PTPRD: variants seen among roughly 807,000 people sequenced by gnomAD.
The protein encoded by PTPRD is protein tyrosine phosphatase receptor type D, also known as receptor-type tyrosine-protein phosphatase delta.
PTPRD carries 34 observed loss-of-function variants against 214.5 expected under a neutral mutation model. The ratio of observed to expected loss-of-function variants is 0.16; its 90% confidence interval spans 0.12 to 0.21. The LOEUF (loss-of-function observed/expected upper bound fraction) is 0.21, where lower values mean the gene tolerates loss of function less well. Among genes scored for constraint, PTPRD ranks in the 10% least tolerant of loss-of-function variants. PTPRD has a pLI of 1.00. For synonymous variants in PTPRD, 1,128 were observed against 845.7 expected, an observed-to-expected ratio of 1.33 and a Z score of -5.79; for missense variants, 2,545 against 2,398.7, an observed-to-expected ratio of 1.06 and a Z score of -1.27.
intron 5 of PTPRD, among the ~76,000 whole-genome samples, chr9:9,775,681 C>A (rs150621301): frequency 3.3e-5 from 5 of 152,216 alleles, no homozygotes; most frequent in African/African-American, 1.2e-4. Flanking sequence ...CGGTGGCTCA[C>A]GCCTGTAATC....
chr9:9,418,064 G>C (rs1328603480), intron 8 of PTPRD, among the ~76,000 whole-genome samples: 1 of 151,970 alleles, frequency 6.6e-6, no homozygotes, highest in African/African-American at 2.4e-5. Flanking sequence ...TACAGCTTTT[G>C]TTTATCCTTT....
intron 11 of PTPRD, among the ~76,000 whole-genome samples, chr9:8,950,582 A>G (rs560847353): frequency 2.8e-4 from 42 of 152,264 alleles, no homozygotes; most frequent in Non-Finnish European, 4.1e-4. Flanking sequence ...ATATTTTCAG[A>G]TGTCATAACA....
At chr9:10,557,294 T>TA (rs999232348) in intron 2 of PTPRD, among the ~76,000 whole-genome samples, 14 of 152,110 alleles carry the variant, frequency 9.2e-5, no homozygotes, top group African/African-American at 3.4e-4. Flanking sequence ...TGAAAGGATT[T>TA]AAAAAAATAA....
At position 10,345,960 on chromosome 9, in the gene PTPRD, T is replaced by G. The variant is rs185146681; in HGVS notation, c.-599-4943A>C. On this transcript the variant is annotated intron_variant, in intron 2 of 45. Coordinates refer to ENST00000381196, the MANE Select transcript of PTPRD (RefSeq NM_002839.4). The stretch of plus-strand genomic sequence containing the variant: ...ACTTTTTAATGATCGCCATTCTAAC[T>G]GATGTGAGATGGTATTTCATTGCGG... Among the ~76,000 whole-genome samples, 446 of 152,322 alleles carry G rather than the reference T, an allele frequency of 2.9e-3. 2 individuals are homozygous for G. Among genetic ancestry groups the G allele is most frequent in the African/African-American group, 0.01 (419 of 41,584 alleles).
chr9:8,585,642 T>C (rs1221400933), intron 14 of PTPRD, among the ~76,000 whole-genome samples: 1 of 152,246 alleles, frequency 6.6e-6, no homozygotes, highest in Non-Finnish European at 1.5e-5. Context: ...GATTTCTTAG[T>C]ATCCTTTACT....
intron 7 of PTPRD, among the ~76,000 whole-genome samples, chr9:9,664,089 A>C (rs1381699100): frequency 4.5e-5 from 1 of 22,308 alleles, no homozygotes; most frequent in South Asian, 9.2e-4. Flanking sequence ...ACTCCTGTGT[A>C]AAAAAAAAAA....
At chr9:9,494,759 C>T (rs906499128) in intron 8 of PTPRD, among the ~76,000 whole-genome samples, 2 of 152,148 alleles carry the variant, frequency 1.3e-5, no homozygotes, top group African/African-American at 4.8e-5. Flanking sequence ...ATAGATTCAA[C>T]ACAAGTTTAA....
rs1026438490 is a variant in PTPRD, at chr9:8,786,764, G to A, written c.-103-52818C>T. Reference sequence around the variant, plus strand: ...ATCCTCAGGGAAAAAAAAGGTGGGGGGGCGGGGGGCGAGGGGTGTATTTTC... The same window carrying A: ...ATCCTCAGGGAAAAAAAAGGTGGGGAGGCGGGGGGCGAGGGGTGTATTTTC... On this transcript the variant is annotated intron_variant, in intron 11 of 45. Transcript: ENST00000381196. Among the ~76,000 whole-genome samples, 6 of 151,966 alleles carry A rather than the reference G, an allele frequency of 3.9e-5. No individual in the cohort carries two copies. The East Asian group carries it at 5.8e-4, about 15-fold the overall frequency.
chr9:9,906,210 C>G (rs1249863623), intron 5 of PTPRD, among the ~76,000 whole-genome samples: 1 of 151,748 alleles, frequency 6.6e-6, no homozygotes, highest in Admixed American at 6.6e-5. Flanking sequence ...AAAGTACAAC[C>G]AGTTTCATGA....
At chr9:9,631,041 T>C (rs1431360794) in intron 7 of PTPRD, among the ~76,000 whole-genome samples, 2 of 152,122 alleles carry the variant, frequency 1.3e-5, no homozygotes, top group Non-Finnish European at 2.9e-5. Context: ...GGCATGACTC[T>C]GTCATTTAAA....
At chr9:10,577,047 G>T (rs1246975313) in intron 2 of PTPRD, among the ~76,000 whole-genome samples, 1 of 151,812 alleles carries the variant, frequency 6.6e-6, no homozygotes, top group Non-Finnish European at 1.5e-5. Flanking sequence ...TCTTTAAAAT[G>T]TCATCAAAAT....
intron 2 of PTPRD, among the ~76,000 whole-genome samples, chr9:10,427,342 A>G (rs960936997): frequency 3.3e-5 from 5 of 152,092 alleles, no homozygotes; most frequent in South Asian, 2.1e-4. Flanking sequence ...TATAACAAAC[A>G]TTGTCAAGAA....
At chr9:9,324,287 C>T (rs527389220) in intron 9 of PTPRD, among the ~76,000 whole-genome samples, 41 of 152,300 alleles carry the variant, frequency 2.7e-4, no homozygotes, top group Non-Finnish European at 5.3e-4. Flanking sequence ...AGTGGTTGAA[C>T]TAGTTTACAT....
chr9:10,225,011 T>C, intron 3 of PTPRD, among the ~76,000 whole-genome samples: 1 of 152,036 alleles, frequency 6.6e-6, no homozygotes, highest in Non-Finnish European at 1.5e-5. Flanking sequence ...ATAGTTAAGC[T>C]TTTGGGGAGC....
At chr9:9,416,004 A>C (rs1331756334) in intron 8 of PTPRD, among the ~76,000 whole-genome samples, 1 of 152,052 alleles carries the variant, frequency 6.6e-6, no homozygotes, top group African/African-American at 2.4e-5. Context: ...GATGTAGGAA[A>C]TGTTTTTAAA....
In PTPRD at chr9:8,894,469, A is replaced by G. The variant is rs931716679; in HGVS notation, c.-104+124228T>C. ...CTGACAAATACATATTGCATGATTT[A>G]TATAAAAACAAAAGTCCATGTATCC... On this transcript the variant is annotated intron_variant, in intron 11 of 45. Transcript: ENST00000381196. 2.7e-5 allele frequency among the ~76,000 whole-genome samples: 4 copies of G among 145,760 alleles called. No homozygotes were observed. In the East Asian group the frequency reaches 5.9e-4, roughly 22 times the overall value.
chr9:8,345,967 C>T (rs778962826), intron 39 of PTPRD, among the ~76,000 whole-genome samples: 2 of 152,078 alleles, frequency 1.3e-5, no homozygotes, highest in Admixed American at 6.6e-5. Context: ...GTAGTAGTCT[C>T]CAAAGGATTC....
At chr9:9,033,445 G>A (rs1389561445) in intron 10 of PTPRD, among the ~76,000 whole-genome samples, 1 of 151,930 alleles carries the variant, frequency 6.6e-6, no homozygotes, top group African/African-American at 2.4e-5. Flanking sequence ...CTCAGAAAGG[G>A]GAATTCTTCC....
intron 9 of PTPRD, among the ~76,000 whole-genome samples, chr9:9,188,359 T>A (rs1160762733): frequency 6.6e-6 from 1 of 152,096 alleles, no homozygotes; most frequent in African/African-American, 2.4e-5. Flanking sequence ...TTTCTTGGTA[T>A]GCATGTTGTA....
Sources: allele counts gnomAD v4.1 joint callset (sites outside exome capture counted in the v4.1 genomes callset), GRCh38; gene constraint gnomAD v4.1.1; transcripts MANE v1.5; gene names NCBI Gene and HGNC (gene_info 2026-07-23, HGNC 2026-07-21).